The following MGST1 variants were observed in gnomAD, a reference collection of about 807,000 sequenced individuals.
MGST1 encodes glutathione S-transferase 12.
MGST1 carries 5 observed loss-of-function variants against 8.9 expected under a neutral mutation model. That is an observed-to-expected ratio of 0.56 (90% CI 0.29 to 1.19). The LOEUF (loss-of-function observed/expected upper bound fraction) is 1.19, where lower values mean the gene tolerates loss of function less well. Ranked by LOEUF, MGST1 falls within the 50% of genes most tolerant of loss-of-function variation. The pLI, the probability that MGST1 is intolerant of heterozygous loss-of-function variation, is 0.08. For synonymous variants in MGST1, 54 were observed against 67.8 expected, an observed-to-expected ratio of 0.80 and a Z score of 1.00; for missense variants, 182 against 187.4, an observed-to-expected ratio of 0.97 and a Z score of 0.17.
At chr12:16,511,117 T>C (rs1431666898) in intron 4 of MGST1, among the ~76,000 whole-genome samples, 1 of 152,242 alleles carries the variant, frequency 6.6e-6, no homozygotes, top group African/African-American at 2.4e-5. Context: ...TTTTAAATTG[T>C]TTGCATTTTT....
chr12:16,472,858 C>T (rs1175019079), intron 4 of MGST1, among the ~76,000 whole-genome samples: 1 of 152,114 alleles, frequency 6.6e-6, no homozygotes, highest in Admixed American at 6.5e-5. Flanking sequence ...CTCATCCCTT[C>T]CTAAAATAAG....
intron 4 of MGST1, among the ~76,000 whole-genome samples, chr12:16,469,538 G>C (rs768205717): frequency 1.3e-5 from 2 of 152,112 alleles, no homozygotes; most frequent in Non-Finnish European, 2.9e-5. Flanking sequence ...AGATCCACTG[G>C]TTGTCTTCTA....
chr12:16,425,729 T>G (rs1299214022), intron 1 of MGST1, among the ~76,000 whole-genome samples: 7 of 152,218 alleles, frequency 4.6e-5, no homozygotes, highest in African/African-American at 1.7e-4. Flanking sequence ...AGAGCTCCCC[T>G]GTTCTTCACG....
chr12:16,435,205 T>C (rs1940973989), intron 1 of MGST1, among the ~76,000 whole-genome samples: 1 of 151,988 alleles, frequency 6.6e-6, no homozygotes, highest in Admixed American at 6.6e-5. Flanking sequence ...ATTTTGATTT[T>C]ATTTATTTAT....
chr12:16,541,258 C>A (rs921171548), intron 4 of MGST1, among the ~76,000 whole-genome samples: 16 of 151,628 alleles, frequency 1.1e-4, no homozygotes, highest in Non-Finnish European at 2.4e-4. Context: ...TTTTTCCCTG[C>A]AAACAGAGGA....
chr12:16,446,293 C>A (rs548920165), intron 4 of MGST1, among the ~76,000 whole-genome samples: 1 of 151,886 alleles, frequency 6.6e-6, no homozygotes, highest in Non-Finnish European at 1.5e-5. Flanking sequence ...GAAATTATTT[C>A]AATATGTGTT....
intron 1 of MGST1, chr12:16,400,382 G>T (rs1053935645): frequency 3.7e-6 from 3 of 820,854 alleles, no homozygotes; most frequent in Non-Finnish European, 4.3e-6. Flanking sequence ...CCATTGACAC[G>T]GGCCTCCAGT....
At chr12:16,532,696 G>A (rs1401485619) in intron 4 of MGST1, among the ~76,000 whole-genome samples, 6 of 152,064 alleles carry the variant, frequency 3.9e-5, no homozygotes, top group African/African-American at 1.4e-4. Flanking sequence ...CTGGAATTCT[G>A]CAATTTCCAG....
At chr12:16,377,129 T>G (rs2137033780) in exon 4 of MGST1, 1 of 152,118 alleles carries the variant, frequency 6.6e-6, no homozygotes, top group South Asian at 2.1e-4. Context: ...AATACTCCAG[T>G]TTTTTGTGTG....
intron 1 of MGST1, among the ~76,000 whole-genome samples, chr12:16,392,989 C>A (rs954014855): frequency 6.6e-6 from 1 of 152,116 alleles, no homozygotes; most frequent in Non-Finnish European, 1.5e-5. Context: ...AGCTCAAGTT[C>A]CCCTTAACCA....
chr12:16,359,808 T>C (rs1939903158), intron 3 of MGST1, among the ~76,000 whole-genome samples: 6 of 152,174 alleles, frequency 3.9e-5, no homozygotes, highest in Admixed American at 3.9e-4. Context: ...TCAGTAGTAT[T>C]AGTAAGACTG....
chr12:16,560,665 ATTTTATCCTAGG>A lies in MGST1; in HGVS notation n.483-28861_483-28850del. 1 of 814,966 alleles carries A rather than the reference ATTTTATCCTAGG, an allele frequency of 1.2e-6. No individual in the cohort carries two copies. Among genetic ancestry groups the A allele is most frequent in the Non-Finnish European group, 2.0e-6 (1 of 512,796 alleles). 50.5% of individuals were successfully genotyped at this position (814,966 alleles called of 1,614,324 possible). A position where few individuals can be genotyped will look rare whatever the true frequency, so the allele number is the denominator to read the frequency against. On this transcript the variant is annotated intron_variant and non_coding_transcript_variant, in intron 4 of 4. Coordinates refer to the MGST1 transcript ENST00000538857. This position sits in a 1 kb window ranked among gnomAD's most constrained non-coding sequence, Gnocchi z 5.0. ...AATGCTTTATGATGTACACAAGTGG[ATTTTATCCTAGG>A]TGTATGCATAAATATTCTTCTGCAA...
At chr12:16,349,284 T>G (rs932017698) in intron 1 of MGST1, among the ~76,000 whole-genome samples, 8 of 152,144 alleles carry the variant, frequency 5.3e-5, no homozygotes, top group African/African-American at 1.9e-4. Flanking sequence ...AAGAGAACTT[T>G]GCTCATTTTG....
chr12:16,547,179 A>T lies in MGST1; in HGVS notation n.483-42349A>T, dbSNP rs1403165295. ...GCATTCTGAAATCTTCGTTTATGAT[A>T]CTAATCACACAATTACCTACAGGCA... On this transcript the variant is annotated intron_variant and non_coding_transcript_variant, in intron 4 of 4. Transcript: ENST00000538857. The surrounding 1 kb of genome is among the most constrained non-coding windows in gnomAD (Gnocchi z 4.6). Among the ~76,000 whole-genome samples the T allele has an allele frequency of 6.6e-6, 1 of 152,142 alleles. No homozygotes were observed. The highest frequency in any genetic ancestry group is 1.5e-5 in the Non-Finnish European group (1 of 68,018).
rs1197198122 is a variant in MGST1 at position 16,555,149 on chromosome 12, C to G, written n.483-34379C>G. ...AACGGTGTTTGGTGTTTGACTAATACTTTATCAGAATTTGCTATCATTATT... is the reference window on the plus strand; with the variant it reads ...AACGGTGTTTGGTGTTTGACTAATAGTTTATCAGAATTTGCTATCATTATT... On this transcript the variant is annotated intron_variant and non_coding_transcript_variant, in intron 4 of 4. Coordinates refer to the MGST1 transcript ENST00000538857. This position sits in a 1 kb window ranked among gnomAD's most constrained non-coding sequence, Gnocchi z 5.5. Among the ~76,000 whole-genome samples, 1 of 152,206 alleles carries G rather than the reference C, an allele frequency of 6.6e-6. No individual in the cohort carries two copies. The highest frequency in any genetic ancestry group is 1.5e-5 in the Non-Finnish European group (1 of 68,034).
At chr12:16,442,880 AATTTGATGTGTC>A (rs1941049893), downstream of MGST1, among the ~76,000 whole-genome samples, 1 of 151,784 alleles carries the variant, frequency 6.6e-6, no homozygotes, top group African/African-American at 2.4e-5. The surrounding 1 kb of genome is among the most constrained non-coding windows in gnomAD (Gnocchi z 4.5). Flanking sequence ...CAATTAAATC[AATTTGATGTGTC>A]ATATTGTTCT....
Position 16,363,865 on chromosome 12 carries a change from C to T in MGST1, c.292C>T (p.Pro98Ser), listed in dbSNP as rs761011406. The change falls in exon 4 of 4, where the codon CCC becomes TCC. Residue 98 changes from proline to serine, a missense_variant. Transcript: ENST00000396210. The surrounding 1 kb of genome is among the most constrained non-coding windows in gnomAD (Gnocchi z 4.6). The stretch of plus-strand genomic sequence containing the variant: ...TGGCCTCCTGTATTCCTTGAGTGGT[C>T]CCGACCCCTCTACAGCCATCCTGCA... ...GIGLLYSLSG[P>S]DPSTAILHFR... 3.1e-6 allele frequency: 5 copies of T among 1,613,794 alleles called. No homozygotes were observed. Among genetic ancestry groups the T allele is most frequent in the Non-Finnish European group, 4.2e-6 (5 of 1,179,814 alleles).
chr12:16,368,391 G>A (rs892721125), downstream of MGST1, among the ~76,000 whole-genome samples: 2 of 152,152 alleles, frequency 1.3e-5, no homozygotes, highest in African/African-American at 4.8e-5. Flanking sequence ...TGAGAAGTGA[G>A]GCAATTTGCC....
At chr12:16,463,025 C>T (rs992415783) in intron 4 of MGST1, among the ~76,000 whole-genome samples, 2 of 152,084 alleles carry the variant, frequency 1.3e-5, no homozygotes, top group Non-Finnish European at 2.9e-5. Flanking sequence ...TCTTGAAGAT[C>T]TTCTAATCTA....
Sources: gnomAD v4.1 joint callset for allele counts (sites outside exome capture counted in the v4.1 genomes callset) on GRCh38, gnomAD v4.1.1 for gene constraint, Gnocchi (gnomAD v3.1) non-coding constraint, MANE v1.5 for transcripts, NCBI Gene and HGNC (gene_info 2026-07-23, HGNC 2026-07-21) for gene names.